Variants in MPHOSPH10 observed in about 807,000 individuals in gnomAD.
The protein encoded by MPHOSPH10 is U3 small nucleolar ribonucleoprotein MPP10.
MPHOSPH10 carries 33 observed loss-of-function variants against 77.3 expected under a neutral mutation model. The observed-to-expected ratio is 0.43, with a 90% CI of 0.32 to 0.57. The LOEUF is 0.57. MPHOSPH10 is among the 20% of genes least tolerant of loss of function. The pLI is 0.07. For missense variants in MPHOSPH10, 708 were observed against 780.1 expected, an observed-to-expected ratio of 0.91 and a Z score of 1.10; for synonymous variants, 245 against 268.0, an observed-to-expected ratio of 0.91 and a Z score of 0.84.
Position 71,137,728 on chromosome 2 carries a change from A to G in MPHOSPH10, c.1099-762A>G, listed in dbSNP as rs141938196. ...TATATTCCACTAAGAGTGAAAAATG[A>G]AAGTGTTGGTATTTGGAGAGGAAAC... is the stretch of plus-strand genomic sequence containing the variant. On this transcript the variant is annotated intron_variant, in intron 4 of 10. Transcript: ENST00000244230. Among the ~76,000 whole-genome samples the G allele has an allele frequency of 1.5e-3, 235 of 152,178 alleles. 2 individuals carry two copies. Among genetic ancestry groups the G allele is most frequent in the Non-Finnish European group, 2.5e-3 (168 of 67,988 alleles).
intron 1 of MPHOSPH10, among the ~76,000 whole-genome samples, chr2:71,130,996 G>C (rs1420033217): frequency 6.6e-6 from 1 of 152,184 alleles, no homozygotes; most frequent in Non-Finnish European, 1.5e-5. Flanking sequence ...TTAACACCTA[G>C]AAGCTTCCCT....
intron 1 of MPHOSPH10, 42 bp downstream of exon 1, chr2:71,130,796 C>CA (rs756358746): frequency 2.6e-6 from 4 of 1,556,778 alleles, no homozygotes; most frequent in Non-Finnish European, 3.5e-6. Context: ...ACCGGGGTCT[C>CA]ACGTGGACGC....
chr2:71,134,593 AT>A lies in MPHOSPH10; in HGVS notation c.927-32del, dbSNP rs756554887. ...TTTTGTTTTTCTAATGGAAAGTAGTATATTTCTTTTTATAAGAGTTTTGGTA... is the reference window on the plus strand; with the variant it reads ...TTTTGTTTTTCTAATGGAAAGTAGTAATTTCTTTTTATAAGAGTTTTGGTA... On this transcript the variant is annotated intron_variant, in intron 3 of 10. Transcript: ENST00000244230. 22 of 1,551,694 alleles carry A rather than the reference AT, an allele frequency of 1.4e-5. No homozygotes were observed. In the Admixed American group the frequency reaches 2.2e-4, roughly 15 times the overall value.
intron 7 of MPHOSPH10, 129 bp downstream of exon 7, chr2:71,141,498 CAGAGCATGCTAGGAATAGA>C (rs1265905119): frequency 1.1e-5 from 8 of 718,658 alleles, no homozygotes; most frequent in Non-Finnish European, 1.7e-5. Flanking sequence ...AAGTATGAGA[CAGAGCATGCTAGGAATAGA>C]AGGGTTCTAA....
At position 71,134,810 on chromosome 2, in the gene MPHOSPH10, T is replaced by C; in HGVS notation, c.1098+13T>C. 1.3e-6 allele frequency: 2 copies of C among 1,523,674 alleles called. No individual in the cohort carries two copies. The highest frequency in any genetic ancestry group is 1.8e-6 in the Non-Finnish European group (2 of 1,118,198). The allele number at this position is 1,523,674 out of a possible 1,614,324, so 94.4% of individuals were successfully genotyped here. A position where few individuals can be genotyped will look rare whatever the true frequency, so the allele number is the denominator to read the frequency against. On this transcript the variant is annotated intron_variant, in intron 4 of 10. Transcript: ENST00000244230. ...AAGACAGGAAAAGGTAATTAGTAAT[T>C]TAAGGAATTTTTAATATACTTGATA...
At chr2:71,146,334 C>CTT (rs778705527) in intron 8 of MPHOSPH10, among the ~76,000 whole-genome samples, 27,448 of 107,206 alleles carry the variant, frequency 0.26, 4,847 homozygotes, top group Admixed American at 0.33. Flanking sequence ...TTTTTTGTGG[C>CTT]TTTTTTTTTT....
chr2:71,130,638 T>C lies in MPHOSPH10; in HGVS notation c.-28T>C. On this transcript the variant is annotated 5_prime_UTR_variant, in exon 1 of 11. Coordinates refer to ENST00000244230, the MANE Select transcript of MPHOSPH10 (RefSeq NM_005791.3). ...CGGGCGGCTCCCTTCCCTTGCATGC[T>C]GCATTGTGTCGGGAGTTGCTGACAG... is the stretch of plus-strand genomic sequence containing the variant. 2 of 1,590,514 alleles carry C rather than the reference T, an allele frequency of 1.3e-6. No individual in the cohort carries two copies.
intron 7 of MPHOSPH10, among the ~76,000 whole-genome samples, chr2:71,142,690 G>A (rs544705606): frequency 6.6e-6 from 1 of 152,174 alleles, no homozygotes; most frequent in Non-Finnish European, 1.5e-5. Flanking sequence ...AGAATGAGGT[G>A]AAAGGACATG....
In MPHOSPH10 at chr2:71,138,522, G is replaced by A. The variant is rs916509314; in HGVS notation, c.1131G>A (p.Glu377=). ...MNEKIASLEK[E]LLEKKPWQLQ... Reference sequence around the variant, plus strand: ...AAAAAATTGCATCTTTAGAAAAAGAGTTGTTAGAAAAAAAGCCGTGGCAGC... The same window carrying A: ...AAAAAATTGCATCTTTAGAAAAAGAATTGTTAGAAAAAAAGCCGTGGCAGC... The change falls in exon 5 of 11, where the codon GAG becomes GAA. Residue 377 remains glutamate, a synonymous_variant. Coordinates refer to ENST00000244230, the MANE Select transcript of MPHOSPH10 (RefSeq NM_005791.3). 3 of 1,597,918 alleles carry A rather than the reference G, an allele frequency of 1.9e-6. No individual in the cohort carries two copies. Among genetic ancestry groups the A allele is most frequent in the East Asian group, 4.5e-5 (2 of 44,764 alleles).
chr2:71,148,685 C>T (rs1673761904), intron 9 of MPHOSPH10: 1 of 162,006 alleles, frequency 6.2e-6, no homozygotes, highest in African/African-American at 2.4e-5. Flanking sequence ...CACCTACACT[C>T]ACCCCTTCTG....
intron 4 of MPHOSPH10, among the ~76,000 whole-genome samples, chr2:71,136,699 C>T (rs573104424): frequency 1.3e-5 from 2 of 152,122 alleles, no homozygotes; most frequent in South Asian, 4.2e-4. Flanking sequence ...TATCCTTCCA[C>T]CCCACTCCTC....
At chr2:71,144,080 C>T (rs1333600309) in intron 7 of MPHOSPH10, among the ~76,000 whole-genome samples, 2 of 152,202 alleles carry the variant, frequency 1.3e-5, no homozygotes, top group Non-Finnish European at 2.9e-5. Flanking sequence ...TCCAGTTTCT[C>T]CATCCTTGCC....
intron 5 of MPHOSPH10, 45 bp downstream of exon 5, chr2:71,138,676 T>C (rs765754011): frequency 6.2e-7 from 1 of 1,612,298 alleles, no homozygotes. Flanking sequence ...GCTTTTTCCA[T>C]GGTTCCATTT....
intron 1 of MPHOSPH10, chr2:71,130,982 A>C: frequency 1.9e-6 from 1 of 522,760 alleles, no homozygotes; most frequent in African/African-American, 2.0e-5. Flanking sequence ...TCTAACCTCA[A>C]TTGTTAACAC....
In MPHOSPH10 at chr2:71,133,521, A is replaced by G. The variant is rs865776928; in HGVS notation, c.713A>G (p.Glu238Gly). 5 of 1,611,534 alleles carry G rather than the reference A, an allele frequency of 3.1e-6. No individual in the cohort carries two copies. Among genetic ancestry groups the G allele is most frequent in the African/African-American group, 2.7e-5 (2 of 74,766 alleles). ...DEEEEDIDFF[E>G]DIDSDEDEGG... ...GAGGAGGAAGATATTGATTTTTTTG[A>G]AGATATTGATTCTGATGAAGATGAA... The change falls in exon 2 of 11, where the codon GAA becomes GGA. Residue 238 changes from glutamate (E) to glycine (G), a missense_variant. Glu to Gly is a moderately conservative substitution (Grantham distance 98). This residue lies in a region of MPHOSPH10 where 433 missense variants were observed against 432.6 expected (regional missense o/e 1.00). Transcript: ENST00000244230.
At chr2:71,136,421 G>T (rs978801821) in intron 4 of MPHOSPH10, among the ~76,000 whole-genome samples, 2 of 152,008 alleles carry the variant, frequency 1.3e-5, no homozygotes, top group African/African-American at 4.8e-5. Flanking sequence ...AGGCTGATGG[G>T]GGAGGATCTC....
intron 1 of MPHOSPH10, among the ~76,000 whole-genome samples, chr2:71,132,588 C>T (rs115603909): frequency 1.2e-3 from 186 of 152,282 alleles, no homozygotes; most frequent in Non-Finnish European, 1.7e-3. Context: ...AATAAGTGAA[C>T]AAATGAATGG....
At chr2:71,136,650 A>G (rs1673496711) in intron 4 of MPHOSPH10, among the ~76,000 whole-genome samples, 1 of 152,148 alleles carries the variant, frequency 6.6e-6, no homozygotes, top group Non-Finnish European at 1.5e-5. Context: ...AGAAATTCTA[A>G]GGGAAAAAAA....
chr2:71,131,311 G>A (rs1175924650), intron 1 of MPHOSPH10, among the ~76,000 whole-genome samples: 1 of 152,196 alleles, frequency 6.6e-6, no homozygotes, highest in Non-Finnish European at 1.5e-5. Context: ...ACTGAGCTTA[G>A]TTTGAATTCC....
Sources: allele counts gnomAD v4.1 joint callset (sites outside exome capture counted in the v4.1 genomes callset), GRCh38; gene constraint gnomAD v4.1.1; regional missense constraint gnomAD v4.1.1; transcripts MANE v1.5; gene names NCBI Gene and HGNC (gene_info 2026-07-23, HGNC 2026-07-21).